TSPEAR: variants seen among roughly 807,000 people sequenced by gnomAD.
TSPEAR encodes thrombospondin-type laminin G domain and EAR repeat-containing protein.
A neutral mutation model predicts 71.6 loss-of-function variants in TSPEAR; 69 were observed. That is an observed-to-expected ratio of 0.96 (90% CI 0.79 to 1.18). TSPEAR has a LOEUF of 1.18. Among genes scored for constraint, TSPEAR ranks in the 50% most tolerant of loss-of-function variants. The pLI is 0.00. For missense variants in TSPEAR, 971 were observed against 894.9 expected (o/e 1.09, Z -1.09); for synonymous variants, 402 against 387.2 (o/e 1.04, Z -0.45).
At chr21:44,581,029 G>A (rs1555925067) in intron 1 of TSPEAR, among the ~76,000 whole-genome samples, 1 of 152,124 alleles carries the variant, frequency 6.6e-6, no homozygotes, top group Admixed American at 6.5e-5. Flanking sequence ...ATATAAATAG[G>A]TAGAAAAATA....
At chr21:44,539,327 G>A (rs782447689) in intron 2 of TSPEAR, 2 of 1,611,542 alleles carry the variant, frequency 1.2e-6, no homozygotes, top group Non-Finnish European at 1.7e-6. Context: ...GGAGCACGCG[G>A]GGCGGCAGAG....
intron 1 of TSPEAR, among the ~76,000 whole-genome samples, chr21:44,588,375 A>G (rs1303355410): frequency 5.3e-5 from 8 of 152,168 alleles, no homozygotes; most frequent in Non-Finnish European, 1.2e-4. Context: ...ATCAAAAAAT[A>G]ATAGATGCTG....
chr21:44,503,478 G>C (rs1419414056), intron 11 of TSPEAR, among the ~76,000 whole-genome samples: 1 of 138,778 alleles, frequency 7.2e-6, no homozygotes, highest in African/African-American at 2.7e-5. Context: ...GAGCCCTCGG[G>C]GGGAAGAAAG....
chr21:44,648,335 C>G (rs1984562953), intron 1 of TSPEAR, among the ~76,000 whole-genome samples: 1 of 152,176 alleles, frequency 6.6e-6, no homozygotes, highest in African/African-American at 2.4e-5. Context: ...CCTCAGGAGG[C>G]TGGGAGGGCC....
intron 9 of TSPEAR, chr21:44,517,844 C>T: frequency 2.1e-6 from 1 of 471,206 alleles, no homozygotes; most frequent in Non-Finnish European, 4.4e-6. Flanking sequence ...AGGTAACTTT[C>T]CTTTGCTCTC....
At chr21:44,537,120 A>G (rs2053102456) in intron 2 of TSPEAR, among the ~76,000 whole-genome samples, 3 of 152,372 alleles carry the variant, frequency 2.0e-5, no homozygotes, top group Admixed American at 6.5e-5. Context: ...TAAAAGCTCA[A>G]TGCAATCCCA....
intron 1 of TSPEAR, among the ~76,000 whole-genome samples, chr21:44,689,382 G>A (rs1229660994): frequency 6.6e-6 from 1 of 151,166 alleles, no homozygotes; most frequent in Non-Finnish European, 1.5e-5. Flanking sequence ...GGTGCCTGTA[G>A]TCCCAGCTAC....
chr21:44,585,203 A>C (rs1601447716), intron 1 of TSPEAR, among the ~76,000 whole-genome samples: 1 of 152,072 alleles, frequency 6.6e-6, no homozygotes, highest in African/African-American at 2.4e-5. Context: ...CCTCCTGCTG[A>C]CACCTGCCAC....
intron 2 of TSPEAR, among the ~76,000 whole-genome samples, chr21:44,559,726 C>T (rs1343762472): frequency 2.0e-5 from 3 of 152,206 alleles, no homozygotes; most frequent in Admixed American, 1.3e-4. Context: ...GTGCCCGGGA[C>T]CATACCTGTG....
intron 1 of TSPEAR, chr21:44,638,145 T>C: frequency 6.2e-7 from 1 of 1,612,378 alleles, no homozygotes; most frequent in Non-Finnish European, 8.5e-7. Context: ...TGCTACAGCC[T>C]CTGCTCTGGC....
In TSPEAR at chr21:44,710,515, A is replaced by G. The variant is rs372485277; in HGVS notation, c.82+918T>C. Among the ~76,000 whole-genome samples, 51 of 151,266 alleles carry G rather than the reference A, an allele frequency of 3.4e-4. 1 individual carries two copies. The South Asian group carries it at 9.7e-3, about 29-fold the overall frequency. ...GTCATCGGGATCTGAGTGCCATCCGAGCAGAGAGCTGTGGCCCGGTGCCGG... is the reference window on the plus strand; with the variant it reads ...GTCATCGGGATCTGAGTGCCATCCGGGCAGAGAGCTGTGGCCCGGTGCCGG... On this transcript the variant is annotated intron_variant, in intron 1 of 11. Transcript: ENST00000323084. The surrounding 1 kb of genome is among the most constrained non-coding windows in gnomAD (Gnocchi z 4.6).
intron 2 of TSPEAR, among the ~76,000 whole-genome samples, chr21:44,534,989 T>C (rs1287556235): frequency 6.6e-6 from 1 of 152,170 alleles, no homozygotes. Flanking sequence ...TGGATGAACC[T>C]TGGGGATGTT....
chr21:44,557,636 G>A (rs2053554555), intron 2 of TSPEAR, among the ~76,000 whole-genome samples: 1 of 152,206 alleles, frequency 6.6e-6, no homozygotes, highest in African/African-American at 2.4e-5. Context: ...CCCCACAACA[G>A]CAGACCCCGC....
At chr21:44,505,161 C>T (rs2052163864) in intron 10 of TSPEAR, among the ~76,000 whole-genome samples, 2 of 152,096 alleles carry the variant, frequency 1.3e-5, no homozygotes, top group Admixed American at 1.3e-4. Context: ...TCACGGCAAC[C>T]TCTGCCTCTC....
chr21:44,632,810 CT>C (rs1983331967), intron 1 of TSPEAR, among the ~76,000 whole-genome samples: 1 of 152,122 alleles, frequency 6.6e-6, no homozygotes, highest in African/African-American at 2.4e-5. Context: ...TGCCACTGCT[CT>C]CCAGCCTGGG....
chr21:44,615,079 G>A (rs1555932120), intron 1 of TSPEAR, among the ~76,000 whole-genome samples: 1 of 152,256 alleles, frequency 6.6e-6, no homozygotes, highest in Non-Finnish European at 1.5e-5. Context: ...ACTGCTTTGG[G>A]AAGAGGCGGG....
Position 44,666,662 on chromosome 21 carries a change from G to T in TSPEAR, c.82+44771C>A, listed in dbSNP as rs373065978. The T allele has an allele frequency of 2.5e-6, 4 of 1,612,504 alleles. No individual in the cohort carries two copies. The South Asian group carries it at 4.4e-5, about 18-fold the overall frequency. ...CAGAAGACTGGCAGCTCACGGGCAC[G>T]CACACAGCTGACTTGAAGCTCATGG... is the stretch of plus-strand genomic sequence containing the variant. On this transcript the variant is annotated intron_variant, in intron 1 of 11. Transcript: ENST00000323084.
intron 1 of TSPEAR, chr21:44,666,281 A>C (rs1188236914): frequency 1.1e-6 from 1 of 892,268 alleles, no homozygotes; most frequent in African/African-American, 1.7e-5. Flanking sequence ...AAGGTCAGCA[A>C]GGGCTCCAGA....
At chr21:44,578,726 A>T (rs1361735034) in intron 1 of TSPEAR, among the ~76,000 whole-genome samples, 2 of 151,898 alleles carry the variant, frequency 1.3e-5, no homozygotes, top group Non-Finnish European at 2.9e-5. Context: ...CTACTTACTA[A>T]AACAGTTCCA....
Sources: gnomAD v4.1 joint callset for allele counts (sites outside exome capture counted in the v4.1 genomes callset) on GRCh38, gnomAD v4.1.1 for gene constraint, Gnocchi (gnomAD v3.1) non-coding constraint, MANE v1.5 for transcripts, NCBI Gene and HGNC (gene_info 2026-07-23, HGNC 2026-07-21) for gene names.